Variants in SLC47A2 observed in about 807,000 individuals in gnomAD.
The protein encoded by SLC47A2 is multidrug and toxin extrusion protein 2.
SLC47A2 carries 52 observed loss-of-function variants against 67.7 expected under a neutral mutation model. The observed-to-expected ratio is 0.77, with a 90% confidence interval of 0.61 to 0.97. The LOEUF is 0.97. Among genes scored for constraint, SLC47A2 ranks in the 50% least tolerant of loss-of-function variants. SLC47A2 has a pLI of 0.00. For missense variants in SLC47A2, 676 were observed against 712.3 expected (o/e 0.95, Z 0.58); for synonymous variants, 278 against 292.9 (o/e 0.95, Z 0.52).
chr17:19,717,841 C>G (rs573921921), upstream of SLC47A2: 1 of 152,272 alleles, frequency 6.6e-6, no homozygotes, highest in Non-Finnish European at 1.5e-5. Flanking sequence ...CTCCCAGGAT[C>G]ACCTGGGAGG....
At chr17:19,714,896 G>C in intron 2 of SLC47A2, 107 bp from the exon 3 acceptor site, 1 of 1,480,158 alleles carries the variant, frequency 6.8e-7, no homozygotes, top group Non-Finnish European at 9.4e-7. Flanking sequence ...AGCAGGCAGC[G>C]GTGGCAGAGG....
intron 11 of SLC47A2, 21 bp downstream of exon 11, chr17:19,704,049 C>G: frequency 6.3e-7 from 1 of 1,579,854 alleles, no homozygotes; most frequent in East Asian, 2.3e-5. Flanking sequence ...TGAAGGCCCA[C>G]CAGGAGAGGA....
At chr17:19,716,216 T>C (rs2086261379) in intron 1 of SLC47A2, 1 of 680,516 alleles carries the variant, frequency 1.5e-6, no homozygotes, top group Admixed American at 3.5e-5. Flanking sequence ...GGGGGCTGCC[T>C]GCTGCTGAGC....
At chr17:19,686,885 T>G (rs2085441106) in intron 13 of SLC47A2, among the ~76,000 whole-genome samples, 1 of 152,202 alleles carries the variant, frequency 6.6e-6, no homozygotes, top group South Asian at 2.1e-4. Context: ...ACTGGACAGA[T>G]CATCCAGACA....
intron 11 of SLC47A2, 124 bp downstream of exon 11, chr17:19,703,946 G>A: frequency 1.5e-6 from 1 of 670,546 alleles, no homozygotes; most frequent in South Asian, 2.2e-5. Context: ...GGTCCAGCAG[G>A]CTTGGAAGAT....
intron 5 of SLC47A2, among the ~76,000 whole-genome samples, chr17:19,711,009 A>C (rs973691293): frequency 6.6e-5 from 10 of 150,648 alleles, no homozygotes; most frequent in Non-Finnish European, 1.5e-4. Context: ...GGGTTTCTCC[A>C]TATTAGTCAG....
chr17:19,703,445 TAGAAAC>T (rs747733031), intron 11 of SLC47A2, among the ~76,000 whole-genome samples: 9 of 152,268 alleles, frequency 5.9e-5, no homozygotes, highest in Non-Finnish European at 1.3e-4. Flanking sequence ...GGGAACTTGT[TAGAAAC>T]AGATTCTCAG....
At chr17:19,679,647 A>G (rs914813699) in intron 16 of SLC47A2, among the ~76,000 whole-genome samples, 1 of 151,962 alleles carries the variant, frequency 6.6e-6, no homozygotes, top group African/African-American at 2.4e-5. Flanking sequence ...GGCCTTTACA[A>G]GTTGTGGGAT....
intron 15 of SLC47A2, 122 bp downstream of exon 15, chr17:19,681,245 C>G (rs2152337526): frequency 2.6e-6 from 2 of 757,236 alleles, no homozygotes; most frequent in African/African-American, 3.5e-5. Context: ...AAAACACCTG[C>G]AGCTTATACC....
chr17:19,700,932 C>A (rs1009256898), intron 13 of SLC47A2, among the ~76,000 whole-genome samples: 17 of 151,814 alleles, frequency 1.1e-4, no homozygotes, highest in Admixed American at 9.9e-4. Flanking sequence ...TTTTGGGAAG[C>A]CGAGGCGGGT....
intron 13 of SLC47A2, among the ~76,000 whole-genome samples, chr17:19,696,430 C>G (rs2085665437): frequency 6.7e-6 from 1 of 149,138 alleles, no homozygotes; most frequent in Admixed American, 6.7e-5. Context: ...GTACTGCACT[C>G]CAGCCTGGCA....
At chr17:19,698,706 G>T (rs1474860182) in intron 13 of SLC47A2, among the ~76,000 whole-genome samples, 2 of 152,058 alleles carry the variant, frequency 1.3e-5, no homozygotes, top group African/African-American at 4.8e-5. Flanking sequence ...TTTTAATTTT[G>T]ATAAAATACA....
chr17:19,707,548 G>T (rs2085973577), intron 8 of SLC47A2, among the ~76,000 whole-genome samples, 198 bp downstream of exon 8: 1 of 152,192 alleles, frequency 6.6e-6, no homozygotes, highest in Admixed American at 6.5e-5. Flanking sequence ...GCAGGGCTCT[G>T]CATCGTGACA....
chr17:19,693,713 G>A (rs1218390207), intron 13 of SLC47A2, among the ~76,000 whole-genome samples: 1 of 152,018 alleles, frequency 6.6e-6, no homozygotes. Flanking sequence ...CAGGAGACTC[G>A]CTTGAACTTG....
At position 19,713,832 on chromosome 17, in the gene SLC47A2, CG is replaced by C; in HGVS notation, c.435del (p.Asp145GlufsTer5). ...HILLLFRQDP[D>X]VSRLTQDYVM... ...AGCCGGAGCCCAGCGCACCTGGACA[CG>C]TCCGGGTCCTGCCGGAAGAGCAGCA... On this transcript the variant is annotated frameshift_variant, in exon 4 of 17. Transcript: ENST00000433844. LOFTEE classifies it high-confidence loss of function. The C allele has an allele frequency of 2.5e-6, 4 of 1,612,036 alleles. No individual in the cohort carries two copies. The highest frequency in any genetic ancestry group is 3.4e-6 in the Non-Finnish European group (4 of 1,179,468).
At chr17:19,704,698 T>C (rs2085880391) in intron 10 of SLC47A2, 7 of 1,548,472 alleles carry the variant, frequency 4.5e-6, no homozygotes, top group Admixed American at 2.0e-5. Context: ...TGTGTCTCTG[T>C]GGGGAGTAGA....
chr17:19,689,173 C>G (rs2085488048), intron 13 of SLC47A2, among the ~76,000 whole-genome samples: 1 of 152,130 alleles, frequency 6.6e-6, no homozygotes, highest in South Asian at 2.1e-4. Flanking sequence ...TCCCAAAATG[C>G]TGGGATTACA....
At chr17:19,716,293 C>T (rs1457849251) in intron 1 of SLC47A2, 140 bp downstream of exon 1, 1 of 1,341,614 alleles carries the variant, frequency 7.5e-7, no homozygotes, top group Non-Finnish European at 1.0e-6. Context: ...CTGCTGTCCC[C>T]AGACTCTGGA....
chr17:19,699,929 G>A (rs1356049977), intron 13 of SLC47A2, among the ~76,000 whole-genome samples: 2 of 152,118 alleles, frequency 1.3e-5, no homozygotes, highest in African/African-American at 2.4e-5. Flanking sequence ...CCATACAATG[G>A]AACTACTCGG....
Sources: gnomAD v4.1 joint callset for allele counts (sites outside exome capture counted in the v4.1 genomes callset) on GRCh38, gnomAD v4.1.1 for gene constraint, MANE v1.5 for transcripts, NCBI Gene and HGNC (gene_info 2026-07-23, HGNC 2026-07-21) for gene names.